ADGB: variants seen among roughly 807,000 people sequenced by gnomAD.
ADGB encodes androglobin, also known as calpain-7-like protein.
Under a neutral mutation model 210.5 loss-of-function variants are expected in ADGB, and 172 were observed. That is an observed-to-expected ratio of 0.82 (90% CI 0.72 to 0.93). The LOEUF (loss-of-function observed/expected upper bound fraction) is 0.93. Ranked by LOEUF, ADGB falls within the 40% of genes least tolerant of loss-of-function variation. ADGB has a pLI of 0.00. For missense variants in ADGB, 2,025 were observed against 1,964.8 expected (o/e 1.03, Z -0.58); for synonymous variants, 658 against 662.7 (o/e 0.99, Z 0.11).
intron 8 of ADGB, 30 bp downstream of exon 8, chr6:146,672,497 A>G (rs1292860278): frequency 1.0e-5 from 15 of 1,504,838 alleles, no homozygotes; most frequent in Non-Finnish European, 1.3e-5. Flanking sequence ...AATGTGATTC[A>G]GTATGGACAT....
At chr6:146,600,360 TC>T in intron 1 of ADGB, 1 of 273,162 alleles carries the variant, frequency 3.7e-6, no homozygotes. Context: ...CCCTTCAGAA[TC>T]AGGCCTGTAT....
At chr6:146,746,344 G>T (rs1041546389) in intron 26 of ADGB, among the ~76,000 whole-genome samples, 1 of 152,046 alleles carries the variant, frequency 6.6e-6, no homozygotes, top group Non-Finnish European at 1.5e-5. Flanking sequence ...ACTTGACTTT[G>T]ATTAAAGATT....
In ADGB at chr6:146,644,885, T is replaced by C; in HGVS notation, c.330+20T>C. 1 of 1,361,780 alleles carries C rather than the reference T, an allele frequency of 7.3e-7. No homozygotes were observed. The highest frequency in any genetic ancestry group is 1.5e-5 in the South Asian group (1 of 65,320). The allele number at this position is 1,361,780 out of a possible 1,614,324, so 84.4% of individuals were successfully genotyped here. ...AGTCAGGTAAGAAAGTTTTTTCTAT[T>C]AAATAAAATACTTACTATGTGGATG... is the stretch of plus-strand genomic sequence containing the variant. On this transcript the variant is annotated intron_variant, in intron 3 of 35. Coordinates refer to ENST00000397944, the MANE Select transcript of ADGB (RefSeq NM_024694.4).
At position 146,672,342 on chromosome 6, in the gene ADGB, G is replaced by A. The variant is rs759915325; in HGVS notation, c.962G>A (p.Gly321Glu). The change falls in exon 8 of 36, where the codon GGG becomes GAG. Residue 321 changes from glycine (G) to glutamate (E), a missense_variant. Physicochemically the swap from Gly to Glu is moderately conservative, Grantham distance 98. Coordinates refer to ENST00000397944, the MANE Select transcript of ADGB (RefSeq NM_024694.4). ...TTAGATTCTAAATTAAAAGAACCAG[G>A]GAAAGAAGGGAAGGAGGGAAAAGAA... Reference protein sequence around the residue: ...AVLDSKLKEPGKEGKEGKEIK... With the variant: ...AVLDSKLKEPEKEGKEGKEIK... The A allele has an allele frequency of 6.4e-7, 1 of 1,551,326 alleles. No homozygotes were observed. The highest frequency in any genetic ancestry group is 1.2e-5 in the South Asian group (1 of 84,032).
At chr6:146,709,794 G>T (rs1381114306) in intron 13 of ADGB, among the ~76,000 whole-genome samples, 2 of 152,144 alleles carry the variant, frequency 1.3e-5, no homozygotes, top group Non-Finnish European at 2.9e-5. Flanking sequence ...CTTTTCCTGG[G>T]ATTGGGAGTG....
At chr6:146,727,586 C>T (rs1326436936) in intron 19 of ADGB, among the ~76,000 whole-genome samples, 2 of 152,140 alleles carry the variant, frequency 1.3e-5, no homozygotes, top group Admixed American at 6.5e-5. Flanking sequence ...GGTCTGTGAG[C>T]TCACATTTCC....
At chr6:146,637,390 A>C (rs1775439946) in intron 2 of ADGB, among the ~76,000 whole-genome samples, 1 of 152,008 alleles carries the variant, frequency 6.6e-6, no homozygotes, top group African/African-American at 2.4e-5. Flanking sequence ...TTTGCATATA[A>C]TTTTATTTTA....
At chr6:146,741,593 A>T (rs1015688915) in intron 25 of ADGB, among the ~76,000 whole-genome samples, 1 of 152,352 alleles carries the variant, frequency 6.6e-6, no homozygotes, top group East Asian at 1.9e-4. Flanking sequence ...GAGCTCCTTT[A>T]GCCTTATCCC....
In ADGB at chr6:146,640,696, T is replaced by C. The variant is rs1014129934; in HGVS notation, c.238-4077T>C. The stretch of plus-strand genomic sequence containing the variant: ...TCTATATAAATGCAGAAGAGGCTTT[T>C]GATAAAATTTGACACCCCTTCATGT... On this transcript the variant is annotated intron_variant, in intron 2 of 35. Transcript: ENST00000397944. Among the ~76,000 whole-genome samples, 15 of 152,092 alleles carry C rather than the reference T, an allele frequency of 9.9e-5. No homozygotes were observed. In the East Asian group the frequency reaches 2.9e-3, roughly 30 times the overall value.
At chr6:146,643,708 G>A (rs1434045811) in intron 2 of ADGB, among the ~76,000 whole-genome samples, 1 of 151,854 alleles carries the variant, frequency 6.6e-6, no homozygotes, top group Non-Finnish European at 1.5e-5. Context: ...ATGTTATGCA[G>A]ATGTTCACAG....
At chr6:146,699,241 G>T (rs922891869) in intron 12 of ADGB, among the ~76,000 whole-genome samples, 2 of 152,150 alleles carry the variant, frequency 1.3e-5, no homozygotes, top group African/African-American at 4.8e-5. Context: ...GCAAGCTGGG[G>T]AACCAGGGAG....
chr6:146,706,842 A>ACT (rs1164286348), intron 13 of ADGB, among the ~76,000 whole-genome samples: 9 of 57,772 alleles, frequency 1.6e-4, no homozygotes, highest in African/African-American at 8.5e-4. Context: ...AGATCAGCTT[A>ACT]GTGTTTTTTT....
chr6:146,611,006 C>A (rs1208324574), intron 1 of ADGB, among the ~76,000 whole-genome samples: 2 of 151,972 alleles, frequency 1.3e-5, no homozygotes, highest in African/African-American at 4.8e-5. Context: ...TCCACTACAC[C>A]CACATATACA....
chr6:146,752,680 C>T lies in ADGB; in HGVS notation c.3516C>T (p.His1172=), dbSNP rs1012079414. 4.7e-5 allele frequency: 73 copies of T among 1,550,384 alleles called. No individual in the cohort carries two copies. The Admixed American group carries it at 1.4e-3, about 30-fold the overall frequency. The change falls in exon 27 of 36, where the codon CAC becomes CAT. Residue 1172 remains histidine, a synonymous_variant. Transcript: ENST00000397944. The part of the protein sequence containing the change: ...GKGQAIIPAF[H]FLKSEKGLSS... ...GCCAAGCTATAATCCCAGCATTTCA[C>T]TTCTTGAAGAGTGAGAAAGGTTTGA...
intron 3 of ADGB, among the ~76,000 whole-genome samples, chr6:146,647,088 C>CAAAAAAAAAAAAAAAAAAAAAAA (rs780260770): frequency 2.7e-5 from 3 of 110,792 alleles, no homozygotes; most frequent in Non-Finnish European, 5.6e-5. Flanking sequence ...GAGCCTGTCT[C>CAAAAAAAAAAAAAAAAAAAAAAA]AAAAAAAAAC....
At chr6:146,731,993 T>C (rs1776994770) in intron 20 of ADGB, among the ~76,000 whole-genome samples, 1 of 152,076 alleles carries the variant, frequency 6.6e-6, no homozygotes, top group Non-Finnish European at 1.5e-5. Context: ...CAGATATTGG[T>C]CTTTGGTTCC....
rs146592749 is a variant in ADGB, at chr6:146,693,669, A to T, written c.1577+754A>T. Among the ~76,000 whole-genome samples the T allele has an allele frequency of 1.7e-3, 262 of 152,276 alleles. 3 individuals are homozygous for T. In the East Asian group the frequency reaches 0.026, roughly 15 times the overall value. On this transcript the variant is annotated intron_variant, in intron 12 of 35. Transcript: ENST00000397944. ...TCAAATAGGCTTTCTCATTTTTCCC[A>T]ATATGGATAGGCTGAGAATTGTCCA...
intron 1 of ADGB, among the ~76,000 whole-genome samples, chr6:146,617,585 T>A (rs545266588): frequency 1.8e-3 from 275 of 152,176 alleles, no homozygotes; most frequent in African/African-American, 5.8e-3. Context: ...GTTTGTTATA[T>A]GTGACCTTCA....
intron 1 of ADGB, 115 bp from the exon 2 acceptor site, chr6:146,635,260 A>G: frequency 3.2e-6 from 3 of 929,122 alleles, no homozygotes; most frequent in Non-Finnish European, 4.3e-6. Context: ...TTGTATTAAA[A>G]ATGTAGTTAG....
Sources: allele counts gnomAD v4.1 joint callset (sites outside exome capture counted in the v4.1 genomes callset), GRCh38; gene constraint gnomAD v4.1.1; transcripts MANE v1.5; gene names NCBI Gene and HGNC (gene_info 2026-07-23, HGNC 2026-07-21).